Variants in ABCG2 observed in about 807,000 individuals in gnomAD.
ABCG2 encodes the protein broad substrate specificity ATP-binding cassette transporter ABCG2.
Under a neutral mutation model 73.5 loss-of-function variants are expected in ABCG2, and 80 were observed. That is an observed-to-expected ratio of 1.09 (90% CI 0.91 to 1.31). ABCG2 has a LOEUF of 1.31. ABCG2 is among the 50% of genes most tolerant of loss of function. ABCG2 has a pLI of 0.00. For missense variants in ABCG2, 796 were observed against 786.2 expected, an observed-to-expected ratio of 1.01 and a Z score of -0.15; for synonymous variants, 269 against 282.4, an observed-to-expected ratio of 0.95 and a Z score of 0.48.
intron 15 of ABCG2, 131 bp from the exon 16 acceptor site, chr4:88,092,512 A>G: frequency 1.1e-6 from 1 of 900,432 alleles, no homozygotes; most frequent in Middle Eastern, 2.4e-4. Context: ...CAGATATCAT[A>G]GCTAACAGTC....
At chr4:88,229,180 C>G (rs1730354781) in intron 1 of ABCG2, among the ~76,000 whole-genome samples, 2 of 152,218 alleles carry the variant, frequency 1.3e-5, no homozygotes, top group Non-Finnish European at 2.9e-5. Context: ...AGGTTTGCAG[C>G]TTCATTCTTG....
intron 5 of ABCG2, among the ~76,000 whole-genome samples, chr4:88,126,890 C>A (rs1578204346): frequency 6.6e-6 from 1 of 151,914 alleles, no homozygotes; most frequent in African/African-American, 2.4e-5. Flanking sequence ...ACTCTCTCAC[C>A]ACTCCTATTC....
chr4:88,202,354 T>TATATA (rs1553945717), intron 1 of ABCG2, among the ~76,000 whole-genome samples: 2,017 of 62,034 alleles, frequency 0.033, 521 homozygotes, highest in East Asian at 0.14. Context: ...CTACAATTAT[T>TATATA]TATATATATA....
intron 1 of ABCG2, among the ~76,000 whole-genome samples, chr4:88,193,360 A>G (rs1194324470): frequency 1.3e-5 from 2 of 152,190 alleles, no homozygotes; most frequent in Non-Finnish European, 2.9e-5. Flanking sequence ...AAATACAGAA[A>G]TAAATTTCAG....
intron 1 of ABCG2, among the ~76,000 whole-genome samples, chr4:88,202,350 TTATTTA>T (rs147488508): frequency 0.59 from 20,974 of 35,346 alleles, 4,890 homozygotes; most frequent in Non-Finnish European, 0.62. Context: ...ATCTCTACAA[TTATTTA>T]TATATATATA....
intron 1 of ABCG2, among the ~76,000 whole-genome samples, chr4:88,219,114 C>T (rs141562178): frequency 1.5e-3 from 229 of 152,316 alleles, no homozygotes; most frequent in Non-Finnish European, 3.0e-3. Flanking sequence ...TCCACTATCA[C>T]GGCTAATACT....
upstream of ABCG2, chr4:88,159,342 G>A (rs59370292): frequency 5.2e-6 from 2 of 386,784 alleles, no homozygotes; most frequent in Non-Finnish European, 1.0e-5. Context: ...TGGTGAATGG[G>A]ATTCTGAGAA....
At chr4:88,158,737 G>C (rs1431452969), upstream of ABCG2, 3 of 413,838 alleles carry the variant, frequency 7.2e-6, no homozygotes, top group South Asian at 1.7e-5. Flanking sequence ...CGGCGCGCCC[G>C]AGCGCTCCCC....
intron 7 of ABCG2, among the ~76,000 whole-genome samples, 198 bp from the exon 8 acceptor site, chr4:88,115,256 C>CTCTCTCTCTCTCTCTCTCTCTCTCTA (rs1309360818): frequency 7.9e-4 from 55 of 69,852 alleles, no homozygotes; most frequent in East Asian, 5.4e-3. Context: ...CTCTCTCTCT[C>CTCTCTCTCTCTCTCTCTCTCTCTCTA]TATATATATA....
chr4:88,113,899 G>A (rs1243264436), intron 8 of ABCG2, among the ~76,000 whole-genome samples: 1 of 152,106 alleles, frequency 6.6e-6, no homozygotes, highest in South Asian at 2.1e-4. Context: ...GGGAGGTGGA[G>A]GTTGCAGTGA....
chr4:88,099,682 T>C (rs1176580303), intron 11 of ABCG2, among the ~76,000 whole-genome samples: 1 of 152,186 alleles, frequency 6.6e-6, no homozygotes, highest in Non-Finnish European at 1.5e-5. Flanking sequence ...CACTGTTCCC[T>C]CCTATTGCTG....
rs961009278 is a variant in ABCG2, at chr4:88,211,372, C to A, written c.-20+19622G>T. On this transcript the variant is annotated intron_variant, in intron 1 of 15. Coordinates refer to the ABCG2 transcript ENST00000515655. ...GTTCAACCCCTGCCCCACCCCCCCCCACTTTTGGAGACCCCAGTGTCTGTT... is the reference window on the plus strand; with the variant it reads ...GTTCAACCCCTGCCCCACCCCCCCCAACTTTTGGAGACCCCAGTGTCTGTT... Among the ~76,000 whole-genome samples, 126 of 124,016 alleles carry A rather than the reference C, an allele frequency of 1.0e-3. 7 individuals carry two copies. The highest frequency in any genetic ancestry group is 4.3e-3 in the Middle Eastern group (1 of 232). 81.4% of individuals were successfully genotyped at this position (124,016 alleles called of 152,430 possible).
At position 88,176,647 on chromosome 4, in the gene ABCG2, A is replaced by AT. The variant is rs35728226; in HGVS notation, c.-19-36634dup. Among the ~76,000 whole-genome samples the AT allele has an allele frequency of 6.1e-3, 549 of 90,140 alleles. 16 individuals are homozygous for AT. Among genetic ancestry groups the AT allele is most frequent in the African/African-American group, 0.016 (380 of 24,368 alleles). The allele number at this position is 90,140 out of a possible 152,430, so 59.1% of individuals were successfully genotyped here. A position where few individuals can be genotyped will look rare whatever the true frequency, so the allele number is the denominator to read the frequency against. ...AGGCACATGCCAGCACACCTGGCTA[A>AT]TTTTTTTTTTTTTTTTTTTTTTTTT... is the stretch of plus-strand genomic sequence containing the variant. On this transcript the variant is annotated intron_variant, in intron 1 of 15. Coordinates refer to the ABCG2 transcript ENST00000515655.
intron 1 of ABCG2, among the ~76,000 whole-genome samples, chr4:88,146,852 C>G (rs569895243): frequency 7.2e-6 from 1 of 139,248 alleles, no homozygotes; most frequent in Non-Finnish European, 1.5e-5. Context: ...GCCTAAGCAA[C>G]AGCGTAACCC....
intron 1 of ABCG2, among the ~76,000 whole-genome samples, chr4:88,166,474 C>T (rs1316751585): frequency 6.6e-6 from 1 of 152,146 alleles, no homozygotes; most frequent in East Asian, 1.9e-4. Context: ...TGTAAATAAA[C>T]CTTGTCTATT....
At chr4:88,228,486 G>A (rs1578294661) in intron 1 of ABCG2, among the ~76,000 whole-genome samples, 1 of 152,162 alleles carries the variant, frequency 6.6e-6, no homozygotes, top group Non-Finnish European at 1.5e-5. Context: ...CTGTTGGGTG[G>A]GCTGATTACA....
At chr4:88,116,346 T>C (rs1446671252) in intron 7 of ABCG2, among the ~76,000 whole-genome samples, 1 of 152,148 alleles carries the variant, frequency 6.6e-6, no homozygotes, top group Non-Finnish European at 1.5e-5. Context: ...GATGATGAGA[T>C]CATCTGAACT....
intron 2 of ABCG2, among the ~76,000 whole-genome samples, chr4:88,135,739 GAATA>G (rs1468296428): frequency 2.0e-5 from 3 of 152,088 alleles, no homozygotes; most frequent in African/African-American, 7.2e-5. Context: ...AAAATTTGTT[GAATA>G]AATAAATTTC....
chr4:88,121,591 G>C (rs999731697), intron 6 of ABCG2, 44 bp downstream of exon 6: 3 of 1,574,230 alleles, frequency 1.9e-6, no homozygotes, highest in Non-Finnish European at 1.7e-6. Context: ...GGACATAGTA[G>C]TGATAAGATA....
Sources: gnomAD v4.1 joint callset for allele counts (sites outside exome capture counted in the v4.1 genomes callset) on GRCh38, gnomAD v4.1.1 for gene constraint, MANE v1.5 for transcripts, NCBI Gene and HGNC (gene_info 2026-07-23, HGNC 2026-07-21) for gene names.